MYO18B: variants seen among roughly 807,000 people sequenced by gnomAD.
MYO18B encodes the protein myosin XVIIIB.
A neutral mutation model predicts 273.0 loss-of-function variants in MYO18B; 204 were observed. The ratio of observed to expected loss-of-function variants is 0.75; its 90% CI spans 0.67 to 0.84. The LOEUF is 0.84. Ranked by LOEUF, MYO18B falls within the 40% of genes least tolerant of loss-of-function variation. The pLI is 0.00. For missense variants in MYO18B, 3,212 were observed against 3,287.6 expected (o/e 0.98, Z 0.56); for synonymous variants, 1,330 against 1,305.7 (o/e 1.02, Z -0.40).
chr22:25,894,840 T>C lies in MYO18B; in HGVS notation c.4544-316T>C, dbSNP rs180794950. On this transcript the variant is annotated intron_variant, in intron 27 of 43. Transcript: ENST00000335473. ...ACAGCTCCCTTGCCCTTAAGGATTA[T>C]GAAATTTCCTTGGAAAAGGGAAGAT... The C allele has an allele frequency of 4.2e-5, 8 of 188,820 alleles. No individual in the cohort carries two copies. In the East Asian group the frequency reaches 9.2e-4, roughly 22 times the overall value. The allele number at this position is 188,820 out of a possible 1,614,324, so 11.7% of individuals were successfully genotyped here. A position where few individuals can be genotyped will look rare whatever the true frequency, so the allele number is the denominator to read the frequency against.
chr22:26,060,912 T>TCAC, the MYO18B span, among the ~76,000 whole-genome samples: 1 of 130,904 alleles, frequency 7.6e-6, no homozygotes, highest in Non-Finnish European at 1.5e-5. Flanking sequence ...TACACAAACA[T>TCAC]ACATATACAC....
At chr22:25,817,566 T>G (rs1344461589) in intron 12 of MYO18B, among the ~76,000 whole-genome samples, 1 of 152,130 alleles carries the variant, frequency 6.6e-6, no homozygotes, top group Non-Finnish European at 1.5e-5. Flanking sequence ...GACAAATGGC[T>G]CAGGTGAGGC....
intron 8 of MYO18B, among the ~76,000 whole-genome samples, chr22:25,778,616 A>G (rs1012959072): frequency 4.6e-5 from 7 of 151,966 alleles, no homozygotes; most frequent in Non-Finnish European, 8.8e-5. Context: ...AGTAGCTGGG[A>G]CTACAGGTAC....
intron 25 of MYO18B, among the ~76,000 whole-genome samples, chr22:25,879,039 C>T (rs187807227): frequency 2.0e-4 from 30 of 152,330 alleles, no homozygotes; most frequent in Admixed American, 4.6e-4. Flanking sequence ...ATATTAAAAA[C>T]GAGCTCCCAA....
intron 20 of MYO18B, among the ~76,000 whole-genome samples, chr22:25,849,436 T>C (rs536386645): frequency 3.5e-4 from 53 of 152,308 alleles, no homozygotes; most frequent in African/African-American, 1.3e-3. Context: ...CATACACAGA[T>C]ACGTCAAATA....
chr22:25,805,604 C>T (rs1450040974), intron 12 of MYO18B, among the ~76,000 whole-genome samples: 2 of 152,160 alleles, frequency 1.3e-5, no homozygotes, highest in South Asian at 2.1e-4. Flanking sequence ...GTTCTCATGC[C>T]GCAGCCAGCA....
the MYO18B span, among the ~76,000 whole-genome samples, chr22:26,039,656 G>T: frequency 0.046 from 7,033 of 152,068 alleles, 237 homozygotes; most frequent in South Asian, 0.13. Context: ...AATTTCAATA[G>T]TTTGGGGGTA....
intron 42 of MYO18B, among the ~76,000 whole-genome samples, chr22:26,021,291 T>C (rs974586786): frequency 4.6e-5 from 7 of 152,210 alleles, no homozygotes; most frequent in African/African-American, 1.4e-4. Context: ...TTACAGCATT[T>C]TCATATAAAT....
intron 22 of MYO18B, among the ~76,000 whole-genome samples, chr22:25,872,687 T>C (rs2091080167): frequency 1.3e-5 from 2 of 152,304 alleles, no homozygotes; most frequent in South Asian, 4.1e-4. Flanking sequence ...GCCTTAGTTT[T>C]TTCCTCCATA....
At chr22:26,002,836 T>C (rs1020635049) in intron 40 of MYO18B, among the ~76,000 whole-genome samples, 4 of 152,168 alleles carry the variant, frequency 2.6e-5, no homozygotes, top group Non-Finnish European at 5.9e-5. Flanking sequence ...GTATTGGAGT[T>C]TCCCACAATG....
chr22:25,865,771 C>T (rs1038872658), intron 21 of MYO18B, among the ~76,000 whole-genome samples: 1 of 152,164 alleles, frequency 6.6e-6, no homozygotes, highest in Non-Finnish European at 1.5e-5. Context: ...TAGACTTTAC[C>T]TCCAAGGTAC....
At chr22:25,888,613 C>A (rs886200630) in intron 25 of MYO18B, among the ~76,000 whole-genome samples, 2 of 149,156 alleles carry the variant, frequency 1.3e-5, no homozygotes, top group African/African-American at 2.5e-5. Context: ...ATAAGTACTT[C>A]CCTGGTGCAC....
rs112647658 is a variant in MYO18B at position 25,826,283 on chromosome 22, C to T, written c.2696-126C>T. The stretch of plus-strand genomic sequence containing the variant: ...TAAGAACCTGGGGAAATAATTTTAG[C>T]AGTGGAGGGATGTGGCAAGAAAAGA... On this transcript the variant is annotated intron_variant, in intron 13 of 43. Transcript: ENST00000335473. The T allele has an allele frequency of 2.5e-4, 157 of 636,340 alleles. No individual in the cohort carries two copies. In the African/African-American group the frequency reaches 2.7e-3, roughly 11 times the overall value. 39.4% of individuals were successfully genotyped at this position (636,340 alleles called of 1,614,324 possible).
At chr22:25,814,191 T>C (rs2088891679) in intron 12 of MYO18B, among the ~76,000 whole-genome samples, 1 of 151,792 alleles carries the variant, frequency 6.6e-6, no homozygotes, top group Admixed American at 6.6e-5. Context: ...ACTTGTTGAG[T>C]GGCTCTGTGA....
intron 34 of MYO18B, among the ~76,000 whole-genome samples, chr22:25,938,204 T>C (rs188271231): frequency 7.2e-5 from 11 of 152,348 alleles, no homozygotes; most frequent in African/African-American, 2.2e-4. Flanking sequence ...TCATTCCATA[T>C]GTCTAGTCAA....
chr22:25,748,972 C>T (rs2087360369), intron 1 of MYO18B, among the ~76,000 whole-genome samples: 1 of 152,278 alleles, frequency 6.6e-6, no homozygotes, highest in African/African-American at 2.4e-5. Context: ...GTCCATTTAG[C>T]CTGTGGATGG....
At chr22:25,757,995 T>G (rs2086180025) in intron 1 of MYO18B, among the ~76,000 whole-genome samples, 1 of 152,058 alleles carries the variant, frequency 6.6e-6, no homozygotes, top group Admixed American at 6.6e-5. Context: ...AGTTGGAAAG[T>G]TTCTTTGTTG....
intron 34 of MYO18B, among the ~76,000 whole-genome samples, chr22:25,938,674 C>T (rs1053543068): frequency 1.3e-5 from 2 of 152,124 alleles, no homozygotes; most frequent in African/African-American, 2.4e-5. Context: ...GATGAGTAAT[C>T]GGGAAAGGGA....
chr22:26,016,703 G>T (rs536358397), intron 42 of MYO18B, among the ~76,000 whole-genome samples: 1 of 152,086 alleles, frequency 6.6e-6, no homozygotes, highest in Non-Finnish European at 1.5e-5. Flanking sequence ...TGATGCTGGG[G>T]ATTCATAGAA....
Sources: allele counts gnomAD v4.1 joint callset (sites outside exome capture counted in the v4.1 genomes callset), GRCh38; gene constraint gnomAD v4.1.1; transcripts MANE v1.5; gene names NCBI Gene and HGNC (gene_info 2026-07-23, HGNC 2026-07-21).